The following RAB2A variants were observed in gnomAD, a reference collection of about 807,000 sequenced individuals.
RAB2A encodes the protein ras-related protein Rab-2A.
Under a neutral mutation model 32.5 loss-of-function variants are expected in RAB2A, and 7 were observed. The ratio of observed to expected loss-of-function variants is 0.22; its 90% CI spans 0.12 to 0.40. The LOEUF (loss-of-function observed/expected upper bound fraction) is 0.40, where lower values mean the gene tolerates loss of function less well. RAB2A is among the 10% of genes least tolerant of loss of function. RAB2A has a pLI of 1.00. For missense variants in RAB2A, 108 were observed against 260.7 expected (o/e 0.41, Z 4.03); for synonymous variants, 79 against 85.2 (o/e 0.93, Z 0.40).
intron 6 of RAB2A, among the ~76,000 whole-genome samples, chr8:60,615,703 G>A (rs139337216): frequency 1.4e-4 from 22 of 152,156 alleles, no homozygotes; most frequent in Middle Eastern, 3.4e-3. Context: ...TTTGGTTAAT[G>A]TTCATTATAT....
chr8:60,564,569 C>T (rs1808075435), intron 2 of RAB2A, among the ~76,000 whole-genome samples: 1 of 152,082 alleles, frequency 6.6e-6, no homozygotes, highest in African/African-American at 2.4e-5. Context: ...GCTACTTACT[C>T]AACATCTCCT....
At chr8:60,582,140 G>C (rs1178599998) in intron 3 of RAB2A, among the ~76,000 whole-genome samples, 2 of 151,356 alleles carry the variant, frequency 1.3e-5, no homozygotes, top group Non-Finnish European at 2.9e-5. Context: ...GTAGAGATGG[G>C]GTCTCGCCAT....
At chr8:60,533,521 G>C (rs1807508832) in intron 1 of RAB2A, among the ~76,000 whole-genome samples, 1 of 152,230 alleles carries the variant, frequency 6.6e-6, no homozygotes, top group Admixed American at 6.5e-5. Context: ...AAGACATACA[G>C]TTGGACTCTT....
intron 1 of RAB2A, among the ~76,000 whole-genome samples, chr8:60,527,791 C>A (rs1807415704): frequency 1.3e-5 from 2 of 152,054 alleles, no homozygotes; most frequent in Admixed American, 1.3e-4. Flanking sequence ...CATTGAGAAT[C>A]TTGAAAGAAG....
chr8:60,623,249 G>GT lies in RAB2A; in HGVS notation c.*2485dup, dbSNP rs1228718604. The GT allele has an allele frequency of 1.3e-5, 2 of 152,274 alleles. No homozygotes were observed. Among genetic ancestry groups the GT allele is most frequent in the East Asian group, 3.9e-4 (2 of 5,192 alleles). The allele number at this position is 152,274 out of a possible 1,614,324, so 9.4% of individuals were successfully genotyped here. On this transcript the variant is annotated 3_prime_UTR_variant, in exon 8 of 8. Coordinates refer to ENST00000262646, the MANE Select transcript of RAB2A (RefSeq NM_002865.3). Reference sequence around the variant, plus strand: ...CAGGATATACAACTGCATACAATTTGTTTTTAATGATATTTTAAAATAGCC... The same window carrying GT: ...CAGGATATACAACTGCATACAATTTGTTTTTTAATGATATTTTAAAATAGCC...
chr8:60,616,818 G>A (rs1804456819), intron 6 of RAB2A, among the ~76,000 whole-genome samples: 1 of 152,190 alleles, frequency 6.6e-6, no homozygotes, highest in African/African-American at 2.4e-5. Flanking sequence ...TGTGCTTGGT[G>A]CAGTAATTGA....
chr8:60,549,479 CTTTT>C (rs34956255), intron 1 of RAB2A, among the ~76,000 whole-genome samples: 1 of 139,326 alleles, frequency 7.2e-6, no homozygotes, highest in Non-Finnish European at 1.6e-5. Context: ...CTCCACCAAC[CTTTT>C]TTTTTTTTTT....
At chr8:60,532,624 C>T (rs1467651876) in intron 1 of RAB2A, among the ~76,000 whole-genome samples, 13 of 152,136 alleles carry the variant, frequency 8.5e-5, no homozygotes, top group Admixed American at 8.5e-4. Flanking sequence ...GATCCTCCCA[C>T]CTCAGCCTCC....
At chr8:60,580,662 C>G (rs1032785947) in intron 3 of RAB2A, among the ~76,000 whole-genome samples, 2 of 152,110 alleles carry the variant, frequency 1.3e-5, no homozygotes, top group East Asian at 3.8e-4. Context: ...TTGTAGTGGG[C>G]AGAAGTCTAG....
chr8:60,528,511 T>G (rs762733282), intron 1 of RAB2A, among the ~76,000 whole-genome samples: 14 of 152,222 alleles, frequency 9.2e-5, no homozygotes, highest in Non-Finnish European at 1.6e-4. Context: ...ATCGTCCCAC[T>G]GTCCCCCACT....
At chr8:60,574,129 T>G (rs1246889086) in intron 3 of RAB2A, among the ~76,000 whole-genome samples, 1 of 152,234 alleles carries the variant, frequency 6.6e-6, no homozygotes, top group Non-Finnish European at 1.5e-5. Context: ...TGAAGTGCCG[T>G]TTTTTGTTTT....
At chr8:60,596,616 G>A (rs1293344793) in intron 6 of RAB2A, among the ~76,000 whole-genome samples, 1 of 152,112 alleles carries the variant, frequency 6.6e-6, no homozygotes, top group African/African-American at 2.4e-5. Flanking sequence ...CAGTTAGAAT[G>A]GCAATCATTA....
rs190967948 is a variant in RAB2A at position 60,585,174 on chromosome 8, G to A, written c.362+359G>A. Among the ~76,000 whole-genome samples the A allele has an allele frequency of 1.1e-3, 174 of 152,298 alleles. 1 individual carries two copies. Among genetic ancestry groups the A allele is most frequent in the African/African-American group, 4.1e-3 (171 of 41,558 alleles). ...ATTATATGGGAAAACCTTCTTGCTT[G>A]ACCAGTTTCCATAAACTTCTAAGAG... On this transcript the variant is annotated intron_variant, in intron 5 of 7. Coordinates refer to ENST00000262646, the MANE Select transcript of RAB2A (RefSeq NM_002865.3).
intron 2 of RAB2A, among the ~76,000 whole-genome samples, chr8:60,568,271 A>G (rs12681841): frequency 0.23 from 34,775 of 152,202 alleles, 4,072 homozygotes; most frequent in Middle Eastern, 0.38. Context: ...CTGAATGGGC[A>G]TGCCCCAGCC....
chr8:60,597,534 TATAC>T (rs1191597356), intron 6 of RAB2A, among the ~76,000 whole-genome samples: 1 of 152,070 alleles, frequency 6.6e-6, no homozygotes, highest in Non-Finnish European at 1.5e-5. Context: ...ATGGCACGTA[TATAC>T]CTATGTAACA....
In RAB2A at chr8:60,544,446, T is replaced by C. The variant is rs116677785; in HGVS notation, c.47-14406T>C. ...TATTCATCTTGAAGAATCCTCAGTT[T>C]AACGTTTGTATTAAAACTTTAAATT... On this transcript the variant is annotated intron_variant, in intron 1 of 7. Transcript: ENST00000262646. 3.6e-3 allele frequency among the ~76,000 whole-genome samples: 554 copies of C among 152,240 alleles called. 5 individuals carry two copies. Among genetic ancestry groups the C allele is most frequent in the African/African-American group, 0.013 (533 of 41,540 alleles).
chr8:60,576,416 A>G (rs1460096008), intron 3 of RAB2A: 1 of 362,392 alleles, frequency 2.8e-6, no homozygotes, highest in Non-Finnish European at 5.5e-6. Context: ...AGCATATCCA[A>G]ATACATTTGA....
intron 3 of RAB2A, among the ~76,000 whole-genome samples, chr8:60,581,066 A>C (rs1803741021): frequency 6.6e-6 from 1 of 152,206 alleles, no homozygotes; most frequent in African/African-American, 2.4e-5. Context: ...TAACACCCTC[A>C]GTAGATGCCT....
intron 2 of RAB2A, chr8:60,570,144 TACCTGCTC>T (rs1808176296): frequency 4.7e-6 from 2 of 426,528 alleles, no homozygotes; most frequent in African/African-American, 4.1e-5. Flanking sequence ...TTGCCTTCCT[TACCTGCTC>T]ACCCTTGGTA....
Sources: allele counts gnomAD v4.1 joint callset (sites outside exome capture counted in the v4.1 genomes callset), GRCh38; gene constraint gnomAD v4.1.1; transcripts MANE v1.5; gene names NCBI Gene and HGNC (gene_info 2026-07-23, HGNC 2026-07-21).